Variants in FTCDNL1 observed in about 807,000 individuals in gnomAD.
FTCDNL1 encodes the protein formiminotransferase cyclodeaminase N-terminal like.
A neutral mutation model predicts 5.9 loss-of-function variants in FTCDNL1; 11 were observed. The ratio of observed to expected loss-of-function variants is 1.87; its 90% CI spans 1.18 to 3.10. The LOEUF is 3.10. Among genes scored for constraint, FTCDNL1 ranks in the 30% most tolerant of loss-of-function variants. The probability of loss-of-function intolerance (pLI) is 0.00; values close to 1 mark genes in which losing one functional copy is unlikely to be tolerated. For missense variants in FTCDNL1, 115 were observed against 65.5 expected (o/e 1.76, Z -2.61); for synonymous variants, 58 against 24.8 (o/e 2.34, Z -3.99).
At chr2:199,720,689 A>G in the FTCDNL1 span, among the ~76,000 whole-genome samples, 62 of 152,174 alleles carry the variant, frequency 4.1e-4, no homozygotes, top group Non-Finnish European at 8.1e-4. Flanking sequence ...TTAGGGCCCA[A>G]CATAATCCAG....
chr2:199,816,729 T>C (rs1269605585), intron 4 of FTCDNL1, among the ~76,000 whole-genome samples: 1 of 152,200 alleles, frequency 6.6e-6, no homozygotes, highest in Non-Finnish European at 1.5e-5. Context: ...GCCTTTACAA[T>C]GAAGCCTAAT....
At chr2:199,698,718 T>A in the FTCDNL1 span, among the ~76,000 whole-genome samples, 1 of 151,948 alleles carries the variant, frequency 6.6e-6, no homozygotes, top group Non-Finnish European at 1.5e-5. Flanking sequence ...CCAGAGGAAT[T>A]AGAACAAGAA....
At chr2:199,679,127 A>G in the FTCDNL1 span, among the ~76,000 whole-genome samples, 1 of 152,130 alleles carries the variant, frequency 6.6e-6, no homozygotes, top group African/African-American at 2.4e-5. Flanking sequence ...CAGGGGGAGA[A>G]AAATCTAATT....
At chr2:199,801,853 G>T (rs1275288452) in intron 3 of FTCDNL1, among the ~76,000 whole-genome samples, 1 of 149,244 alleles carries the variant, frequency 6.7e-6, no homozygotes, top group African/African-American at 2.5e-5. Context: ...CAGGAGAATG[G>T]CATGAACCCA....
intron 3 of FTCDNL1, among the ~76,000 whole-genome samples, chr2:199,762,566 T>G (rs887885430): frequency 6.6e-6 from 1 of 152,272 alleles, no homozygotes; most frequent in African/African-American, 2.4e-5. Flanking sequence ...TCTCCAGAAC[T>G]TAGATAGTGT....
chr2:199,778,351 AAC>A (rs1236607791), intron 3 of FTCDNL1, among the ~76,000 whole-genome samples: 1 of 152,330 alleles, frequency 6.6e-6, no homozygotes, highest in African/African-American at 2.4e-5. Flanking sequence ...ACATGGTAGA[AAC>A]ACAGAAAAAT....
intron 4 of FTCDNL1, among the ~76,000 whole-genome samples, chr2:199,813,179 C>A (rs1701139992): frequency 6.6e-6 from 1 of 152,224 alleles, no homozygotes; most frequent in African/African-American, 2.4e-5. Context: ...GTGGTAGGAC[C>A]ATGTCTGGAA....
the FTCDNL1 span, among the ~76,000 whole-genome samples, chr2:199,741,212 G>A: frequency 2.0e-5 from 3 of 152,158 alleles, no homozygotes; most frequent in African/African-American, 7.2e-5. Context: ...GGAGTTCGAC[G>A]CTGCCGTGAG....
intron 4 of FTCDNL1, 57 bp downstream of exon 4, chr2:199,819,515 G>C (rs1701551813): frequency 1.5e-6 from 1 of 683,946 alleles, no homozygotes; most frequent in Non-Finnish European, 2.6e-6. Flanking sequence ...TCATAAAGGG[G>C]ACCTCAAGTT....
downstream of FTCDNL1, among the ~76,000 whole-genome samples, chr2:199,756,689 G>C (rs948810166): frequency 5.9e-5 from 9 of 152,104 alleles, no homozygotes; most frequent in African/African-American, 2.2e-4. Flanking sequence ...AGGTTGTATC[G>C]GTCACAACAG....
the FTCDNL1 span, among the ~76,000 whole-genome samples, chr2:199,689,601 G>T: frequency 6.6e-6 from 1 of 152,196 alleles, no homozygotes; most frequent in Non-Finnish European, 1.5e-5. Context: ...ACAATGCTCA[G>T]TTTTTTGGGG....
At chr2:199,752,740 CTGTGTGTGTG>C in the FTCDNL1 span, among the ~76,000 whole-genome samples, 2 of 30,622 alleles carry the variant, frequency 6.5e-5, no homozygotes, top group African/African-American at 9.4e-5. Flanking sequence ...CTCTCTCTCT[CTGTGTGTGTG>C]TGTGTGTGTG....
chr2:199,738,323 C>G, the FTCDNL1 span, among the ~76,000 whole-genome samples: 1 of 152,048 alleles, frequency 6.6e-6, no homozygotes, highest in Non-Finnish European at 1.5e-5. Flanking sequence ...TGTGATTAGT[C>G]TAGGCATGAT....
chr2:199,723,425 A>G, the FTCDNL1 span, among the ~76,000 whole-genome samples: 1 of 152,064 alleles, frequency 6.6e-6, no homozygotes, highest in Non-Finnish European at 1.5e-5. Context: ...ACTATGTTGA[A>G]TAGGCGTGGC....
intron 3 of FTCDNL1, among the ~76,000 whole-genome samples, chr2:199,824,628 C>T (rs1452313270): frequency 6.6e-6 from 1 of 152,188 alleles, no homozygotes; most frequent in Non-Finnish European, 1.5e-5. Context: ...ATTCCTTTCA[C>T]TTGAACACTT....
the FTCDNL1 span, among the ~76,000 whole-genome samples, chr2:199,693,965 G>T: frequency 2.1e-4 from 32 of 152,336 alleles, no homozygotes; most frequent in Admixed American, 3.9e-4. Flanking sequence ...CTTAGCTTCT[G>T]AAGTGGGAAA....
At chr2:199,664,564 A>T in the FTCDNL1 span, among the ~76,000 whole-genome samples, 1 of 152,224 alleles carries the variant, frequency 6.6e-6, no homozygotes, top group African/African-American at 2.4e-5. Flanking sequence ...TATACTTTTA[A>T]GCTTCAAAAG....
At chr2:199,683,776 A>G in the FTCDNL1 span, among the ~76,000 whole-genome samples, 1 of 152,174 alleles carries the variant, frequency 6.6e-6, no homozygotes, top group Non-Finnish European at 1.5e-5. Flanking sequence ...AATGCAAAAT[A>G]CCTTTAATTC....
At chr2:199,704,396 G>C in the FTCDNL1 span, among the ~76,000 whole-genome samples, 7 of 152,136 alleles carry the variant, frequency 4.6e-5, no homozygotes, top group Admixed American at 2.0e-4. Context: ...TTGGAGTTGG[G>C]GGTCGAGGGG....
Sources: allele counts gnomAD v4.1 joint callset (sites outside exome capture counted in the v4.1 genomes callset), GRCh38; gene constraint gnomAD v4.1.1; transcripts MANE v1.5; gene names NCBI Gene and HGNC (gene_info 2026-07-23, HGNC 2026-07-21).